The following CRY1 variants were observed in gnomAD, a reference collection of about 807,000 sequenced individuals.
CRY1 encodes cryptochrome-1.
Under a neutral mutation model 76.0 loss-of-function variants are expected in CRY1, and 45 were observed. That is an observed-to-expected ratio of 0.59 (90% CI 0.47 to 0.76). The LOEUF (loss-of-function observed/expected upper bound fraction) is 0.76. Among genes scored for constraint, CRY1 ranks in the 30% least tolerant of loss-of-function variants. The pLI, the probability that CRY1 is intolerant of heterozygous loss-of-function variation, is 0.00. For missense variants in CRY1, 587 were observed against 716.4 expected (o/e 0.82, Z 2.06); for synonymous variants, 248 against 244.0 (o/e 1.02, Z -0.15).
chr12:107,066,658 GT>G (rs1953115119), intron 1 of CRY1, among the ~76,000 whole-genome samples: 1 of 152,096 alleles, frequency 6.6e-6, no homozygotes, highest in Non-Finnish European at 1.5e-5. Context: ...TTGAGATGGG[GT>G]TTCACCATAT....
intron 1 of CRY1, among the ~76,000 whole-genome samples, chr12:107,083,346 A>G (rs750242159): frequency 2.0e-5 from 3 of 152,206 alleles, no homozygotes; most frequent in Non-Finnish European, 2.9e-5. Flanking sequence ...ATTTTATATG[A>G]GGCCAACATC....
At chr12:107,014,686 T>A (rs1248285865) in intron 2 of CRY1, among the ~76,000 whole-genome samples, 1 of 152,142 alleles carries the variant, frequency 6.6e-6, no homozygotes, top group East Asian at 1.9e-4. Context: ...GCTATAATAT[T>A]AAGTTTCCTC....
intron 1 of CRY1, among the ~76,000 whole-genome samples, chr12:107,072,190 G>A (rs1953198599): frequency 6.6e-6 from 1 of 152,062 alleles, no homozygotes; most frequent in Non-Finnish European, 1.5e-5. Flanking sequence ...TCTATGCAAA[G>A]ATATCTATTT....
At chr12:107,083,502 G>A (rs557063667) in intron 1 of CRY1, among the ~76,000 whole-genome samples, 1 of 152,114 alleles carries the variant, frequency 6.6e-6, no homozygotes, top group South Asian at 2.1e-4. Context: ...CACGATCAAG[G>A]CAGCTTCATC....
chr12:107,045,187 A>G (rs751383105), intron 1 of CRY1, among the ~76,000 whole-genome samples: 1 of 152,228 alleles, frequency 6.6e-6, no homozygotes, highest in African/African-American at 2.4e-5. Flanking sequence ...TTCTCTGAAG[A>G]AAGCTCACAG....
intron 1 of CRY1, among the ~76,000 whole-genome samples, chr12:107,074,149 T>C (rs941816627): frequency 1.1e-4 from 17 of 152,168 alleles, no homozygotes; most frequent in African/African-American, 4.1e-4. Flanking sequence ...TATTCCCACA[T>C]TACCCCAAAT....
chr12:107,005,316 G>A, intron 2 of CRY1, 68 bp from the exon 3 acceptor site: 3 of 1,477,492 alleles, frequency 2.0e-6, no homozygotes, highest in South Asian at 1.4e-5. Flanking sequence ...ATAACGAAAA[G>A]TGAAAAAGCT....
intron 1 of CRY1, among the ~76,000 whole-genome samples, chr12:107,032,545 T>C (rs1952689030): frequency 6.6e-6 from 1 of 152,102 alleles, no homozygotes; most frequent in South Asian, 2.1e-4. Flanking sequence ...AAATCCTCTC[T>C]GTATTCTCAA....
intron 1 of CRY1, among the ~76,000 whole-genome samples, chr12:107,063,667 G>A (rs548320463): frequency 3.9e-5 from 6 of 152,146 alleles, no homozygotes; most frequent in African/African-American, 1.4e-4. Flanking sequence ...GTGCGATCTC[G>A]GCTCACTGCA....
intron 10 of CRY1, 100 bp downstream of exon 10, chr12:106,997,194 G>T: frequency 9.2e-7 from 1 of 1,088,212 alleles, no homozygotes; most frequent in Non-Finnish European, 1.4e-6. Flanking sequence ...TAATTTCAAA[G>T]ACAGATTTTT....
At chr12:107,090,028 C>T (rs1269031830) in intron 1 of CRY1, among the ~76,000 whole-genome samples, 5 of 152,118 alleles carry the variant, frequency 3.3e-5, no homozygotes, top group African/African-American at 4.8e-5. Context: ...CTTGACCTAT[C>T]GGTAGCATCT....
rs548664248 is a variant in CRY1, at chr12:107,001,481, T to A, written c.596-113A>T. The A allele has an allele frequency of 1.4e-4, 128 of 907,866 alleles. No individual in the cohort carries two copies. In the African/African-American group the frequency reaches 1.7e-3, roughly 12 times the overall value. The allele number at this position is 907,866 out of a possible 1,614,324, so 56.2% of individuals were successfully genotyped here. A position where few individuals can be genotyped will look rare whatever the true frequency, so the allele number is the denominator to read the frequency against. On this transcript the variant is annotated intron_variant, in intron 4 of 12. Coordinates refer to ENST00000008527, the MANE Select transcript of CRY1 (RefSeq NM_004075.5). The stretch of plus-strand genomic sequence containing the variant: ...AAAAATTAAGAGAGTACCATAAAAA[T>A]GAACTGAAGGCCTAAATAAGCCCTC...
intron 1 of CRY1, among the ~76,000 whole-genome samples, chr12:107,065,321 G>T (rs1345110184): frequency 1.3e-5 from 2 of 151,542 alleles, no homozygotes; most frequent in South Asian, 4.2e-4. Flanking sequence ...GGCCGGGCGC[G>T]GTGGCTCACA....
rs200515745 is a variant in CRY1, at chr12:107,066,303, ACTT to A, written c.158+26498_158+26500del. ...TTCCTTGTTATATTCAAGTAAATTT[ACTT>A]CTTTTTATTTTAAAATGGTGTACAT... On this transcript the variant is annotated intron_variant, in intron 1 of 12. Transcript: ENST00000008527. 7.9e-3 allele frequency among the ~76,000 whole-genome samples: 1,197 copies of A among 152,270 alleles called. 18 individuals are homozygous for A. The highest frequency in any genetic ancestry group is 0.027 in the African/African-American group (1,124 of 41,552).
intron 1 of CRY1, among the ~76,000 whole-genome samples, chr12:107,048,923 T>C (rs901241109): frequency 4.6e-5 from 7 of 152,210 alleles, no homozygotes; most frequent in East Asian, 1.9e-4. Flanking sequence ...ATTTTTTGTC[T>C]TTCAAAATGC....
At chr12:107,036,583 TG>T (rs1369437723) in intron 1 of CRY1, among the ~76,000 whole-genome samples, 51 of 145,946 alleles carry the variant, frequency 3.5e-4, no homozygotes, top group African/African-American at 1.3e-3. Context: ...TTAAAGTTGG[TG>T]GTTTTTTTTT....
intron 1 of CRY1, among the ~76,000 whole-genome samples, chr12:107,061,305 T>C (rs1953044031): frequency 6.6e-6 from 1 of 152,032 alleles, no homozygotes; most frequent in Admixed American, 6.6e-5. Flanking sequence ...GTTAATTCAG[T>C]GAACCCTAAA....
intron 1 of CRY1, among the ~76,000 whole-genome samples, chr12:107,055,613 A>G (rs1436892999): frequency 6.6e-6 from 1 of 152,182 alleles, no homozygotes; most frequent in Non-Finnish European, 1.5e-5. Context: ...AACCTACCAT[A>G]GTGAAGGCAA....
intron 1 of CRY1, 65 bp from the exon 2 acceptor site, chr12:107,022,257 C>A: frequency 1.0e-6 from 1 of 976,942 alleles, no homozygotes; most frequent in Non-Finnish European, 1.5e-6. Context: ...TAAATTATTA[C>A]AAAGTCATGT....
Sources: allele counts gnomAD v4.1 joint callset (sites outside exome capture counted in the v4.1 genomes callset), GRCh38; gene constraint gnomAD v4.1.1; transcripts MANE v1.5; gene names NCBI Gene and HGNC (gene_info 2026-07-23, HGNC 2026-07-21).